The following KHDRBS2 variants were observed in gnomAD, a reference collection of about 807,000 sequenced individuals.
KHDRBS2 encodes the protein KH RNA binding domain containing, signal transduction associated 2, also known as KH domain-containing, RNA-binding, signal transduction-associated protein 2.
A neutral mutation model predicts 44.3 loss-of-function variants in KHDRBS2; 26 were observed. That is an observed-to-expected ratio of 0.59 (90% CI 0.43 to 0.81). The LOEUF (loss-of-function observed/expected upper bound fraction) is 0.81, where lower values mean the gene tolerates loss of function less well. Among genes scored for constraint, KHDRBS2 ranks in the 40% least tolerant of loss-of-function variants. The pLI is 0.00. For missense variants in KHDRBS2, 476 were observed against 433.1 expected (o/e 1.10, Z -0.88); for synonymous variants, 194 against 151.1 (o/e 1.28, Z -2.08).
At chr6:61,942,326 A>C (rs1452204747) in intron 4 of KHDRBS2, among the ~76,000 whole-genome samples, 6 of 152,188 alleles carry the variant, frequency 3.9e-5, no homozygotes, top group Admixed American at 6.5e-5. Flanking sequence ...AATTAATACA[A>C]AGAAATCAGA....
At chr6:61,761,287 A>C (rs979906185) in intron 6 of KHDRBS2, among the ~76,000 whole-genome samples, 8 of 152,220 alleles carry the variant, frequency 5.3e-5, no homozygotes, top group African/African-American at 1.7e-4. Flanking sequence ...GTTTGAATTT[A>C]ACTGACACTT....
At chr6:61,843,507 G>A (rs1445608121) in intron 6 of KHDRBS2, among the ~76,000 whole-genome samples, 2 of 151,638 alleles carry the variant, frequency 1.3e-5, no homozygotes, top group African/African-American at 4.8e-5. Flanking sequence ...TGGGATTACA[G>A]CCATGTACCC....
intron 3 of KHDRBS2, among the ~76,000 whole-genome samples, chr6:61,984,934 C>T (rs1013444330): frequency 6.6e-6 from 1 of 152,194 alleles, no homozygotes; most frequent in Non-Finnish European, 1.5e-5. Context: ...TAAGCACAAA[C>T]ACAGGCTATG....
intron 2 of KHDRBS2, among the ~76,000 whole-genome samples, chr6:62,107,414 C>T (rs1302912493): frequency 6.6e-6 from 1 of 152,114 alleles, no homozygotes; most frequent in Non-Finnish European, 1.5e-5. Context: ...TCAAGGAGAA[C>T]TACAAACCAC....
chr6:61,841,691 C>A (rs1477685348), intron 6 of KHDRBS2, among the ~76,000 whole-genome samples: 3 of 152,122 alleles, frequency 2.0e-5, no homozygotes, highest in African/African-American at 7.2e-5. Context: ...CGGTATGAAT[C>A]ATTTACAACA....
At chr6:62,105,062 A>G (rs1802843159) in intron 2 of KHDRBS2, among the ~76,000 whole-genome samples, 1 of 152,138 alleles carries the variant, frequency 6.6e-6, no homozygotes, top group Non-Finnish European at 1.5e-5. Context: ...TCATTGAAAA[A>G]CAAACAACCA....
At chr6:61,809,248 G>A (rs1405054935) in intron 6 of KHDRBS2, among the ~76,000 whole-genome samples, 3 of 152,082 alleles carry the variant, frequency 2.0e-5, no homozygotes, top group African/African-American at 7.2e-5. Context: ...AGAACAAATT[G>A]TCAGACCAGT....
At chr6:61,922,212 A>AT (rs576377886) in intron 4 of KHDRBS2, among the ~76,000 whole-genome samples, 269 of 152,176 alleles carry the variant, frequency 1.8e-3, no homozygotes, top group African/African-American at 6.3e-3. Context: ...AAGTGGGCAA[A>AT]ATATATTTTT....
chr6:62,189,747 G>A (rs1459407515), intron 1 of KHDRBS2, among the ~76,000 whole-genome samples: 3 of 151,660 alleles, frequency 2.0e-5, no homozygotes, highest in Non-Finnish European at 4.4e-5. Flanking sequence ...AGAAAAAGGG[G>A]AGAAATCAAC....
intron 3 of KHDRBS2, among the ~76,000 whole-genome samples, chr6:62,034,053 T>A (rs921749648): frequency 1.3e-5 from 2 of 151,670 alleles, no homozygotes; most frequent in Non-Finnish European, 2.9e-5. Flanking sequence ...TGCCAATATA[T>A]TGGAAAATCT....
intron 4 of KHDRBS2, among the ~76,000 whole-genome samples, chr6:61,970,188 G>A (rs1771027419): frequency 6.6e-6 from 1 of 151,622 alleles, no homozygotes; most frequent in African/African-American, 2.4e-5. Context: ...ATTTAAAATG[G>A]TGCTCTTACC....
Position 61,893,902 on chromosome 6 carries a change from A to AAT in KHDRBS2, c.810+732_810+733insAT, listed in dbSNP as rs953645620. Among the ~76,000 whole-genome samples the AAT allele has an allele frequency of 3.6e-3, 481 of 132,718 alleles. 1 individual carries two copies. Among genetic ancestry groups the AAT allele is most frequent in the Non-Finnish European group, 4.9e-3 (304 of 61,756 alleles). 87.1% of individuals were successfully genotyped at this position (132,718 alleles called of 152,430 possible). A position where few individuals can be genotyped will look rare whatever the true frequency, so the allele number is the denominator to read the frequency against. On this transcript the variant is annotated intron_variant, in intron 6 of 8. Transcript: ENST00000281156. ...ACCCTAAAACTTAAAGTATAATAAT[A>AAT]AAAAAAAAAACATTTACAGAAGACT...
intron 2 of KHDRBS2, among the ~76,000 whole-genome samples, chr6:62,054,320 G>C (rs947612409): frequency 2.0e-5 from 3 of 151,980 alleles, no homozygotes; most frequent in African/African-American, 7.2e-5. Context: ...ATCCAGTCCT[G>C]GGGCACAGAT....
At chr6:61,621,144 A>T in the KHDRBS2 span, among the ~76,000 whole-genome samples, 6 of 152,186 alleles carry the variant, frequency 3.9e-5, no homozygotes, top group Non-Finnish European at 8.8e-5. Context: ...CGGCCTGAGT[A>T]GAATGTAGGG....
At position 61,680,823 on chromosome 6, in the gene KHDRBS2, A is replaced by G. The variant is rs1319407491; in HGVS notation, c.*140T>C. ...GTACAGAGGGAAATACTAGAAATAT[A>G]TGGGAGTAATCATGAGCAGTTATCC... On this transcript the variant is annotated 3_prime_UTR_variant, in exon 9 of 9. Coordinates refer to ENST00000281156, the MANE Select transcript of KHDRBS2 (RefSeq NM_152688.4). The G allele has an allele frequency of 2.5e-5, 15 of 589,340 alleles. No individual in the cohort carries two copies. Among genetic ancestry groups the G allele is most frequent in the Non-Finnish European group, 3.7e-5 (12 of 326,038 alleles). 36.5% of individuals were successfully genotyped at this position (589,340 alleles called of 1,614,324 possible). A position where few individuals can be genotyped will look rare whatever the true frequency, so the allele number is the denominator to read the frequency against.
chr6:61,975,316 T>G (rs1772350453), intron 4 of KHDRBS2, among the ~76,000 whole-genome samples: 1 of 152,156 alleles, frequency 6.6e-6, no homozygotes, highest in Non-Finnish European at 1.5e-5. Flanking sequence ...AAGCCTTCTT[T>G]GTTGTTCTAG....
rs769537252 is a variant in KHDRBS2 at position 61,894,781 on chromosome 6, T to C, written c.664A>G (p.Thr222Ala). 10 of 1,612,566 alleles carry C rather than the reference T, an allele frequency of 6.2e-6. No homozygotes were observed. In the Admixed American group the frequency reaches 1.5e-4, roughly 24 times the overall value. Residue 222 changes from threonine to alanine, a missense_variant, in exon 6 of 9, where the codon ACC (threonine) becomes GCC (alanine). Coordinates refer to ENST00000281156, the MANE Select transcript of KHDRBS2 (RefSeq NM_152688.4). ...CGGGTTACAGTGCTTCCCCGAGGGG[T>C]GAGAACACCTCGTCCAGGTGGTGGG... ...PPPPPGRGVL[T>A]PRGSTVTRGA...
chr6:62,235,269 A>T (rs1043688420), intron 1 of KHDRBS2, among the ~76,000 whole-genome samples: 2 of 151,772 alleles, frequency 1.3e-5, no homozygotes, highest in African/African-American at 4.8e-5. Context: ...GCCTCTAGAG[A>T]TTCTTATACT....
At chr6:62,195,264 T>C (rs1329555428) in intron 1 of KHDRBS2, among the ~76,000 whole-genome samples, 2 of 152,212 alleles carry the variant, frequency 1.3e-5, no homozygotes, top group African/African-American at 4.8e-5. Context: ...TTTGTATGCG[T>C]TTGCATCCTG....
Sources: allele counts gnomAD v4.1 joint callset (sites outside exome capture counted in the v4.1 genomes callset), GRCh38; gene constraint gnomAD v4.1.1; transcripts MANE v1.5; gene names NCBI Gene and HGNC (gene_info 2026-07-23, HGNC 2026-07-21).